MED27: variants seen among roughly 807,000 people sequenced by gnomAD.
The protein encoded by MED27 is mediator of RNA polymerase II transcription subunit 27.
In MED27, 30 loss-of-function variants were observed where a neutral mutation model predicts 38.2. That is an observed-to-expected ratio of 0.79 (90% CI 0.59 to 1.07). The LOEUF is 1.07. MED27 is among the 50% of genes least tolerant of loss of function. MED27 has a pLI of 0.00. For synonymous variants in MED27, 122 were observed against 153.5 expected, an observed-to-expected ratio of 0.79 and a Z score of 1.52; for missense variants, 289 against 397.5, an observed-to-expected ratio of 0.73 and a Z score of 2.32.
intron 3 of MED27, among the ~76,000 whole-genome samples, chr9:132,007,741 G>A (rs562411086): frequency 3.3e-5 from 5 of 151,996 alleles, no homozygotes; most frequent in South Asian, 2.1e-4. Flanking sequence ...GGTGTAGGAC[G>A]GAAAAAGGAG....
intron 2 of MED27, among the ~76,000 whole-genome samples, chr9:132,014,708 A>C (rs978227265): frequency 3.4e-5 from 5 of 149,004 alleles, no homozygotes; most frequent in African/African-American, 9.8e-5. Context: ...AAAAACTGGA[A>C]GCAGTCGGAA....
At chr9:132,067,444 CA>C (rs1411210398) in intron 2 of MED27, among the ~76,000 whole-genome samples, 1 of 152,140 alleles carries the variant, frequency 6.6e-6, no homozygotes, top group Non-Finnish European at 1.5e-5. Flanking sequence ...AAGAGTTTTC[CA>C]CAGAAAGAAA....
At chr9:131,954,570 T>C (rs1172068713) in intron 3 of MED27, among the ~76,000 whole-genome samples, 1 of 152,192 alleles carries the variant, frequency 6.6e-6, no homozygotes, top group Non-Finnish European at 1.5e-5. Flanking sequence ...TGAGAAGTCT[T>C]GTGGCAGTCT....
intron 3 of MED27, among the ~76,000 whole-genome samples, chr9:131,945,968 TA>T (rs763561881): frequency 0.016 from 1,864 of 114,284 alleles, 11 homozygotes; most frequent in African/African-American, 0.026. Flanking sequence ...CCCTATCTCT[TA>T]AAAAAAAAAA....
At chr9:131,996,046 C>T (rs1205626356) in intron 3 of MED27, among the ~76,000 whole-genome samples, 1 of 152,166 alleles carries the variant, frequency 6.6e-6, no homozygotes, top group East Asian at 1.9e-4. Context: ...AGTCTGGATC[C>T]CCATACTTTT....
At position 131,960,047 on chromosome 9, in the gene MED27, A is replaced by G. The variant is rs149194194; in HGVS notation, c.480-20573T>C. ...CACAAATGAATATTTGCTGTAGCTG[A>G]GTAGGCTGCCCTAATGTGGCTGTGT... is the stretch of plus-strand genomic sequence containing the variant. On this transcript the variant is annotated intron_variant, in intron 3 of 7. Transcript: ENST00000292035. 4.2e-4 allele frequency among the ~76,000 whole-genome samples: 64 copies of G among 152,326 alleles called. No homozygotes were observed. In the East Asian group the frequency reaches 0.012, roughly 28 times the overall value.
intron 5 of MED27, among the ~76,000 whole-genome samples, chr9:131,885,464 T>C (rs371414955): frequency 6.6e-6 from 1 of 152,148 alleles, no homozygotes; most frequent in Admixed American, 6.5e-5. Context: ...TTGTTTGTTT[T>C]GTAGCCCTGC....
intron 3 of MED27, among the ~76,000 whole-genome samples, chr9:131,978,006 C>G (rs191858640): frequency 5.3e-5 from 8 of 152,310 alleles, no homozygotes; most frequent in Middle Eastern, 3.4e-3. Context: ...CGGCAGCTAA[C>G]GTCATCAAAA....
chr9:132,046,881 C>CAAAT (rs1833352267), intron 2 of MED27, among the ~76,000 whole-genome samples: 2 of 152,100 alleles, frequency 1.3e-5, no homozygotes, highest in Admixed American at 1.3e-4. Flanking sequence ...CAGAGCAGGG[C>CAAAT]AAATAAAGCC....
At chr9:132,024,070 A>C (rs1488061526) in intron 2 of MED27, among the ~76,000 whole-genome samples, 3 of 152,180 alleles carry the variant, frequency 2.0e-5, no homozygotes, top group Non-Finnish European at 4.4e-5. Flanking sequence ...GTGTGGCCCA[A>C]TGCACAGAAG....
chr9:132,045,684 AT>A (rs2131127429), intron 2 of MED27, among the ~76,000 whole-genome samples: 1 of 152,328 alleles, frequency 6.6e-6, no homozygotes, highest in African/African-American at 2.4e-5. Flanking sequence ...GCATGTCAGT[AT>A]TTATTCTCCA....
chr9:131,902,641 C>T (rs1395203688), intron 4 of MED27, among the ~76,000 whole-genome samples: 1 of 152,182 alleles, frequency 6.6e-6, no homozygotes, highest in East Asian at 1.9e-4. Flanking sequence ...CAAAACCAAA[C>T]CAGTTGTGCC....
intron 4 of MED27, among the ~76,000 whole-genome samples, chr9:131,902,496 G>GT (rs1468967441): frequency 2.0e-5 from 3 of 152,186 alleles, no homozygotes; most frequent in African/African-American, 7.2e-5. Flanking sequence ...CACCAGGACT[G>GT]TATCGAGCGG....
At chr9:132,023,055 A>C (rs1247697729) in intron 2 of MED27, among the ~76,000 whole-genome samples, 2 of 152,206 alleles carry the variant, frequency 1.3e-5, no homozygotes, top group African/African-American at 4.8e-5. Flanking sequence ...TTGAAATCAA[A>C]TGCAATGCTA....
At chr9:132,079,092 C>T (rs1421218537) in intron 1 of MED27, among the ~76,000 whole-genome samples, 1 of 152,094 alleles carries the variant, frequency 6.6e-6, no homozygotes, top group East Asian at 1.9e-4. Context: ...AGTGAGGAAA[C>T]TGATCAGGTG....
intron 2 of MED27, among the ~76,000 whole-genome samples, chr9:132,035,931 C>T (rs1278265625): frequency 6.6e-6 from 1 of 151,988 alleles, no homozygotes; most frequent in Non-Finnish European, 1.5e-5. Flanking sequence ...CACCACTGCA[C>T]CCCCAGCCTG....
At chr9:131,981,989 T>G (rs1831747830) in intron 3 of MED27, among the ~76,000 whole-genome samples, 1 of 152,254 alleles carries the variant, frequency 6.6e-6, no homozygotes, top group African/African-American at 2.4e-5. Context: ...CCGCCATGTA[T>G]ATGTTTCTAT....
chr9:132,053,265 A>AT (rs1259631333), intron 2 of MED27, among the ~76,000 whole-genome samples: 1 of 151,934 alleles, frequency 6.6e-6, no homozygotes, highest in African/African-American at 2.4e-5. Context: ...AAAAAAAAAA[A>AT]AAAAGAAAAA....
At chr9:132,030,400 G>C (rs1832931765) in intron 2 of MED27, among the ~76,000 whole-genome samples, 1 of 151,996 alleles carries the variant, frequency 6.6e-6, no homozygotes, top group South Asian at 2.1e-4. Flanking sequence ...AAAATAGTAA[G>C]AGCACTGCTG....
Sources: allele counts gnomAD v4.1 joint callset (sites outside exome capture counted in the v4.1 genomes callset), GRCh38; gene constraint gnomAD v4.1.1; transcripts MANE v1.5; gene names NCBI Gene and HGNC (gene_info 2026-07-23, HGNC 2026-07-21).